The following TRMT112 variants were observed in gnomAD, a reference collection of about 807,000 sequenced individuals.
The protein encoded by TRMT112 is tRNA methyltransferase activator subunit 11-2, also known as multifunctional methyltransferase subunit TRM112-like protein.
TRMT112 carries 9 observed loss-of-function variants against 13.8 expected under a neutral mutation model. The ratio of observed to expected loss-of-function variants is 0.65; its 90% CI spans 0.39 to 1.14. The LOEUF (loss-of-function observed/expected upper bound fraction) is 1.14, where lower values mean the gene tolerates loss of function less well. Ranked by LOEUF, TRMT112 falls within the 50% of genes most tolerant of loss-of-function variation. The pLI is 0.01. For missense variants in TRMT112, 196 were observed against 165.5 expected (o/e 1.18, Z -1.01); for synonymous variants, 64 against 67.0 (o/e 0.96, Z 0.22).
upstream of TRMT112, chr11:64,318,463 C>T: frequency 2.0e-6 from 3 of 1,510,196 alleles, no homozygotes; most frequent in Non-Finnish European, 2.7e-6. Flanking sequence ...CTGAGAGTAT[C>T]GCTTTATTTC....
Position 64,317,053 on chromosome 11 carries a change from C to T in TRMT112, c.270+5G>A, listed in dbSNP as rs1174203022. ...CCGGGAAGCAAGTGATGGGCCGCTTCTCACCTCCAGCAGCAGGTGGTGCAT... is the reference window on the plus strand; with the variant it reads ...CCGGGAAGCAAGTGATGGGCCGCTTTTCACCTCCAGCAGCAGGTGGTGCAT... On this transcript the variant is annotated splice_donor_5th_base_variant and intron_variant, in intron 3 of 3. Transcript: ENST00000544844. 1 of 1,614,116 alleles carries T rather than the reference C, an allele frequency of 6.2e-7. No individual in the cohort carries two copies. The highest frequency in any genetic ancestry group is 8.5e-7 in the Non-Finnish European group (1 of 1,179,964).
upstream of TRMT112, chr11:64,318,453 CTG>C (rs2135273362): frequency 2.0e-6 from 3 of 1,528,268 alleles, no homozygotes; most frequent in South Asian, 3.6e-5. Context: ...TCCCGCTAGT[CTG>C]AGAGTATCGC....
At position 64,316,944 on chromosome 11, in the gene TRMT112, G is replaced by A; in HGVS notation, c.295C>T (p.Gln99Ter). ...LEVEVIEGTL[Q>*]CPESGRMFPI... ...AACATACGTCCAGATTCCGGGCACT[G>A]CAGGGTGCCCTCTATCACTTCCACC... Residue 99 changes from glutamine (Q) to a stop codon, truncating the protein, a stop_gained, in exon 4 of 4, where the codon CAG (glutamine) becomes TAG (stop). Coordinates refer to ENST00000544844, the MANE Select transcript of TRMT112 (RefSeq NM_016404.3). LOFTEE classifies it high-confidence loss of function. The A allele has an allele frequency of 3.1e-6, 5 of 1,611,468 alleles. No homozygotes were observed. The highest frequency in any genetic ancestry group is 4.2e-6 in the Non-Finnish European group (5 of 1,177,628).
intron 2 of TRMT112, 52 bp downstream of exon 2, chr11:64,317,212 G>T (rs1056828281): frequency 6.2e-7 from 1 of 1,609,216 alleles, no homozygotes; most frequent in African/African-American, 1.3e-5. Flanking sequence ...CGGCTGAGGT[G>T]TGCCCGCCCC....
At chr11:64,318,246 C>A, upstream of TRMT112, 1 of 1,612,100 alleles carries the variant, frequency 6.2e-7, no homozygotes, top group East Asian at 2.2e-5. Context: ...CGCCCTGAGA[C>A]GCTCAGCGGG....
In TRMT112 at chr11:64,317,482, C is replaced by T. The variant is rs775252346; in HGVS notation, c.45G>A (p.Gly15=). ...GCAGGGGGAAGCCACGGGACCCCAC[C>T]CCCCGCACATGCGAGCTCAGCAGAT... The part of the protein sequence containing the change: ...THNLLSSHVR[G]VGSRGFPLRL... Residue 15 remains glycine (G), a synonymous_variant, in exon 1 of 4, where the codon GGG becomes GGA. Transcript: ENST00000544844. 3.1e-6 allele frequency: 5 copies of T among 1,607,222 alleles called. No individual in the cohort carries two copies. Among genetic ancestry groups the T allele is most frequent in the Non-Finnish European group, 8.5e-7 (1 of 1,176,202 alleles).
At chr11:64,317,915 T>C (rs1286232246), upstream of TRMT112, 8 of 1,362,748 alleles carry the variant, frequency 5.9e-6, no homozygotes, top group Non-Finnish European at 6.6e-6. Context: ...GGGGCAGAAA[T>C]ACCGCCCTAT....
At position 64,317,261 on chromosome 11, in the gene TRMT112, C is replaced by G. The variant is rs749022542; in HGVS notation, c.180+3G>C. 6.2e-7 allele frequency: 1 copy of G among 1,610,264 alleles called. No homozygotes were observed. The highest frequency in any genetic ancestry group is 8.5e-7 in the Non-Finnish European group (1 of 1,176,760). On this transcript the variant is annotated splice_donor_region_variant and intron_variant, in intron 2 of 3. Coordinates refer to ENST00000544844, the MANE Select transcript of TRMT112 (RefSeq NM_016404.3). ...TATGCTGGGGCGGGGTAAGGATCCT[C>G]ACGTTATCGGCCGCCTCCAGGAACG...
rs780435157 is a variant in TRMT112, at chr11:64,317,510, T to C, written c.17A>G (p.His6Arg). Residue 6 changes from histidine (H) to arginine (R), a missense_variant, in exon 1 of 4, where the codon CAC (histidine) becomes CGC (arginine). Coordinates refer to ENST00000544844, the MANE Select transcript of TRMT112 (RefSeq NM_016404.3). MKLLT[H>R]NLLSSHVRGV... Reference sequence around the variant, plus strand: ...CCGCACATGCGAGCTCAGCAGATTGTGGGTAAGCAGTTTCATGTCGCCGCA... The same window carrying C: ...CCGCACATGCGAGCTCAGCAGATTGCGGGTAAGCAGTTTCATGTCGCCGCA... 6.3e-7 allele frequency: 1 copy of C among 1,586,734 alleles called. No homozygotes were observed. The highest frequency in any genetic ancestry group is 8.6e-7 in the Non-Finnish European group (1 of 1,162,392).
chr11:64,317,298 A>G lies in TRMT112; in HGVS notation c.146T>C (p.Val49Ala), dbSNP rs759795424. Reference sequence around the variant, plus strand: ...CGCCTCCAGGAACGCCGACCACTCCACTTTAGGTATCATACGCGCCACGAA... The same window carrying G: ...CGCCTCCAGGAACGCCGACCACTCCGCTTTAGGTATCATACGCGCCACGAA... ...PNFVARMIPK[V>A]EWSAFLEAAD... Residue 49 changes from valine (V) to alanine (A), a missense_variant, in exon 2 of 4, where the codon GTG becomes GCG. Physicochemically the swap from Val to Ala is moderately conservative, Grantham distance 64. Transcript: ENST00000544844. 1 of 1,613,560 alleles carries G rather than the reference A, an allele frequency of 6.2e-7. No individual in the cohort carries two copies. Among genetic ancestry groups the G allele is most frequent in the Admixed American group, 1.7e-5 (1 of 59,986 alleles).
chr11:64,317,557 C>G lies in TRMT112; in HGVS notation c.-31G>C, dbSNP rs768404245. On this transcript the variant is annotated 5_prime_UTR_variant, in exon 1 of 4. Transcript: ENST00000544844. ...CGCACAAACTCTCGCCAGGCCGGAACCGGAAAAAGGTCGTCCTCCGCTGCC... is the reference window on the plus strand; with the variant it reads ...CGCACAAACTCTCGCCAGGCCGGAAGCGGAAAAAGGTCGTCCTCCGCTGCC... 1.5e-5 allele frequency: 22 copies of G among 1,514,872 alleles called. No homozygotes were observed. Among genetic ancestry groups the G allele is most frequent in the Non-Finnish European group, 2.0e-5 (22 of 1,122,696 alleles). 93.8% of individuals were successfully genotyped at this position (1,514,872 alleles called of 1,614,324 possible). A position where few individuals can be genotyped will look rare whatever the true frequency, so the allele number is the denominator to read the frequency against.
chr11:64,317,444 G>C lies in TRMT112; in HGVS notation c.78+5C>G. Reference sequence around the variant, plus strand: ...CGAAAAGGGAAGACTGCCGCCGGCGGGTACCTGGAGGCGCAGGGGGAAGCC... The same window carrying C: ...CGAAAAGGGAAGACTGCCGCCGGCGCGTACCTGGAGGCGCAGGGGGAAGCC... On this transcript the variant is annotated splice_donor_5th_base_variant and intron_variant, in intron 1 of 3. Coordinates refer to ENST00000544844, the MANE Select transcript of TRMT112 (RefSeq NM_016404.3). 1 of 1,611,936 alleles carries C rather than the reference G, an allele frequency of 6.2e-7. No individual in the cohort carries two copies. The highest frequency in any genetic ancestry group is 1.1e-5 in the South Asian group (1 of 90,924).
In TRMT112 at chr11:64,316,688, C is replaced by T; in HGVS notation, c.*173G>A. On this transcript the variant is annotated 3_prime_UTR_variant, in exon 4 of 4. Coordinates refer to ENST00000544844, the MANE Select transcript of TRMT112 (RefSeq NM_016404.3). ...ATGTATATTTGCTGCAAAGAGAAAC[C>T]GCTTTTGGTTTTAAACCTTTAATGA... 1 of 609,888 alleles carries T rather than the reference C, an allele frequency of 1.6e-6. No homozygotes were observed. The highest frequency in any genetic ancestry group is 2.1e-5 in the South Asian group (1 of 48,254). 37.8% of individuals were successfully genotyped at this position (609,888 alleles called of 1,614,324 possible). A position where few individuals can be genotyped will look rare whatever the true frequency, so the allele number is the denominator to read the frequency against.
At position 64,316,530 on chromosome 11, in the gene TRMT112, G is replaced by T. The variant is rs1428784565; in HGVS notation, c.*331C>A. 5 of 267,342 alleles carry T rather than the reference G, an allele frequency of 1.9e-5. No individual in the cohort carries two copies. Among genetic ancestry groups the T allele is most frequent in the South Asian group, 1.7e-4 (4 of 24,086 alleles). 16.6% of individuals were successfully genotyped at this position (267,342 alleles called of 1,614,324 possible). A position where few individuals can be genotyped will look rare whatever the true frequency, so the allele number is the denominator to read the frequency against. On this transcript the variant is annotated 3_prime_UTR_variant, in exon 4 of 4. Coordinates refer to ENST00000544844, the MANE Select transcript of TRMT112 (RefSeq NM_016404.3). ...TCAGCTCCCAACGAGCCTCCTCAGG[G>T]GGTAGGAGAGCACTGCCTCTATGCC...
rs2035330463 is a variant in TRMT112, at chr11:64,317,490, C to A, written c.37G>T (p.Val13Leu). 1 of 1,604,150 alleles carries A rather than the reference C, an allele frequency of 6.2e-7. No individual in the cohort carries two copies. Reference sequence around the variant, plus strand: ...AAGCCACGGGACCCCACCCCCCGCACATGCGAGCTCAGCAGATTGTGGGTA... The same window carrying A: ...AAGCCACGGGACCCCACCCCCCGCAAATGCGAGCTCAGCAGATTGTGGGTA... The part of the protein sequence containing the change: ...LLTHNLLSSH[V>L]RGVGSRGFPL... Residue 13 changes from valine to leucine, a missense_variant, in exon 1 of 4, where the codon GTG becomes TTG. Val to Leu is a conservative substitution (Grantham distance 32, BLOSUM62 1). Transcript: ENST00000544844.
upstream of TRMT112, chr11:64,317,612 A>T: frequency 7.4e-7 from 1 of 1,347,906 alleles, no homozygotes; most frequent in Non-Finnish European, 1.0e-6. Flanking sequence ...TCTCGATGCT[A>T]TTGGATAGCC....
chr11:64,318,045 A>C, upstream of TRMT112: 1 of 1,433,752 alleles, frequency 7.0e-7, no homozygotes, highest in Non-Finnish European at 9.1e-7. Flanking sequence ...CCCAGTGCAA[A>C]CGAGGCGTGG....
Position 64,316,948 on chromosome 11 carries a change from G to A in TRMT112, c.291C>T (p.Thr97=), listed in dbSNP as rs1380397172. Residue 97 remains threonine, a synonymous_variant, in exon 4 of 4, where the codon ACC becomes ACT. Coordinates refer to ENST00000544844, the MANE Select transcript of TRMT112 (RefSeq NM_016404.3). ...LLLEVEVIEG[T]LQCPESGRMF... ...TACGTCCAGATTCCGGGCACTGCAG[G>A]GTGCCCTCTATCACTTCCACCTGCG... The A allele has an allele frequency of 8.7e-6, 14 of 1,611,734 alleles. No individual in the cohort carries two copies. Among genetic ancestry groups the A allele is most frequent in the African/African-American group, 6.7e-5 (5 of 74,970 alleles).
upstream of TRMT112, chr11:64,317,808 C>G: frequency 2.5e-6 from 2 of 791,498 alleles, no homozygotes; most frequent in African/African-American, 1.8e-5. Context: ...TGCAAAATAG[C>G]TGCAATGCAG....
Sources: gnomAD v4.1 joint callset for allele counts on GRCh38, gnomAD v4.1.1 for gene constraint, MANE v1.5 for transcripts, NCBI Gene and HGNC (gene_info 2026-07-23, HGNC 2026-07-21) for gene names.